GMDS: variants seen among roughly 807,000 people sequenced by gnomAD.
GMDS encodes GDP-mannose 4,6 dehydratase.
In GMDS, 20 loss-of-function variants were observed where a neutral mutation model predicts 49.9. The observed-to-expected ratio is 0.40, with a 90% CI of 0.28 to 0.58. The LOEUF (loss-of-function observed/expected upper bound fraction) is 0.58. Among genes scored for constraint, GMDS ranks in the 20% least tolerant of loss-of-function variants. The pLI is 0.42. For synonymous variants in GMDS, 177 were observed against 178.6 expected, an observed-to-expected ratio of 0.99 and a Z score of 0.07; for missense variants, 362 against 481.4, an observed-to-expected ratio of 0.75 and a Z score of 2.32.
At chr6:1,863,856 A>G (rs1297627339) in intron 7 of GMDS, among the ~76,000 whole-genome samples, 1 of 152,172 alleles carries the variant, frequency 6.6e-6, no homozygotes, top group Non-Finnish European at 1.5e-5. Context: ...AAATTACCAA[A>G]CTTTAAAGTT....
At chr6:2,211,515 CTA>C (rs1484499119) in intron 1 of GMDS, among the ~76,000 whole-genome samples, 3 of 151,900 alleles carry the variant, frequency 2.0e-5, no homozygotes, top group Non-Finnish European at 2.9e-5. Flanking sequence ...AACATCTGCC[CTA>C]TATGTTTTTT....
intron 1 of GMDS, among the ~76,000 whole-genome samples, chr6:2,136,148 A>C (rs1775988237): frequency 6.6e-6 from 1 of 152,214 alleles, no homozygotes; most frequent in South Asian, 2.1e-4. Flanking sequence ...TGGGACTACC[A>C]TTGTGTATGG....
In GMDS at chr6:1,833,064, G is replaced by A. The variant is rs1244576853; in HGVS notation, c.772-90478C>T. 3.9e-5 allele frequency among the ~76,000 whole-genome samples: 6 copies of A among 151,986 alleles called. No individual in the cohort carries two copies. In the South Asian group the frequency reaches 6.3e-4, roughly 16 times the overall value. On this transcript the variant is annotated intron_variant, in intron 7 of 10. Transcript: ENST00000380815. The surrounding 1 kb of genome is among the most constrained non-coding windows in gnomAD (Gnocchi z 4.4). ...GCCTCTGATCACTCACACAAAGGAC[G>A]GAAAATTGCTGGCGCCGCTGGACCT...
chr6:1,854,561 G>A (rs977117521), intron 7 of GMDS, among the ~76,000 whole-genome samples: 100 of 152,292 alleles, frequency 6.6e-4, no homozygotes, highest in African/African-American at 2.4e-3. Context: ...GGCTGTCTGG[G>A]TGCTTCTAGC....
At chr6:1,826,211 A>C (rs978047506) in intron 7 of GMDS, among the ~76,000 whole-genome samples, 3 of 152,168 alleles carry the variant, frequency 2.0e-5, no homozygotes, top group African/African-American at 7.2e-5. Flanking sequence ...AAAATAAGGT[A>C]ATTGTGCTAT....
At chr6:1,724,040 T>C (rs149245148) in intron 9 of GMDS, among the ~76,000 whole-genome samples, 326 of 152,272 alleles carry the variant, frequency 2.1e-3, no homozygotes, top group African/African-American at 7.5e-3. Context: ...GGAAAACTTG[T>C]TGTTCTGAGG....
At chr6:1,665,989 C>G (rs1764223600) in intron 9 of GMDS, among the ~76,000 whole-genome samples, 2 of 152,152 alleles carry the variant, frequency 1.3e-5, no homozygotes, top group Non-Finnish European at 2.9e-5. Context: ...ATTTCAGCGA[C>G]TTGGAGGAGT....
chr6:2,076,332 G>A (rs1772335781), intron 4 of GMDS, among the ~76,000 whole-genome samples: 1 of 152,040 alleles, frequency 6.6e-6, no homozygotes. Context: ...TGGCCATACT[G>A]CCCAAGGTAA....
At chr6:2,147,851 A>G (rs767248868) in intron 1 of GMDS, among the ~76,000 whole-genome samples, 5 of 149,422 alleles carry the variant, frequency 3.3e-5, no homozygotes, top group African/African-American at 7.5e-5. Context: ...TGAGCATACT[A>G]GATAATTCCA....
chr6:1,849,752 T>C (rs1190107274), intron 7 of GMDS, among the ~76,000 whole-genome samples: 6 of 152,226 alleles, frequency 3.9e-5, no homozygotes, highest in African/African-American at 1.2e-4. Flanking sequence ...TACCCTATTA[T>C]GTCTAGAGAC....
chr6:1,651,953 C>T (rs890993361), intron 9 of GMDS, among the ~76,000 whole-genome samples: 1 of 151,482 alleles, frequency 6.6e-6, no homozygotes, highest in African/African-American at 2.4e-5. Flanking sequence ...TGCACTGGCA[C>T]GTGCTGGGGA....
intron 1 of GMDS, among the ~76,000 whole-genome samples, chr6:2,127,339 A>G (rs1205153314): frequency 6.6e-6 from 1 of 152,122 alleles, no homozygotes; most frequent in East Asian, 1.9e-4. Flanking sequence ...GCAACACTAT[A>G]CTTCTAATCA....
chr6:1,983,798 G>A (rs151033042), intron 4 of GMDS, among the ~76,000 whole-genome samples: 348 of 152,170 alleles, frequency 2.3e-3, no homozygotes, highest in African/African-American at 8.2e-3. Context: ...CAACCATTGT[G>A]GAAGACAGTG....
intron 1 of GMDS, among the ~76,000 whole-genome samples, chr6:2,133,575 A>T (rs2127520516): frequency 6.6e-6 from 1 of 152,340 alleles, no homozygotes; most frequent in African/African-American, 2.4e-5. Context: ...TCATGATAGA[A>T]ATGTCACTTG....
intron 7 of GMDS, among the ~76,000 whole-genome samples, chr6:1,870,327 A>G (rs1225576404): frequency 6.6e-6 from 1 of 152,178 alleles, no homozygotes; most frequent in Non-Finnish European, 1.5e-5. Context: ...GCTCTTCCAG[A>G]AGAGCTAAGG....
intron 8 of GMDS, among the ~76,000 whole-genome samples, chr6:1,742,042 C>G (rs1248084276): frequency 2.6e-5 from 4 of 151,248 alleles, no homozygotes; most frequent in Non-Finnish European, 4.4e-5. Context: ...TTTCCTCAGC[C>G]TCCTGAGTAG....
At chr6:2,025,635 A>G (rs1768551440) in intron 4 of GMDS, among the ~76,000 whole-genome samples, 1 of 152,218 alleles carries the variant, frequency 6.6e-6, no homozygotes, top group Non-Finnish European at 1.5e-5. Flanking sequence ...ATGAGTAATA[A>G]AAAGAAAGTA....
chr6:1,742,452 T>C lies in GMDS; in HGVS notation c.890+16A>G. 1 of 1,424,322 alleles carries C rather than the reference T, an allele frequency of 7.0e-7. No homozygotes were observed. Among genetic ancestry groups the C allele is most frequent in the Non-Finnish European group, 9.9e-7 (1 of 1,008,324 alleles). 88.2% of individuals were successfully genotyped at this position (1,424,322 alleles called of 1,614,324 possible). ...TGCCAGAGAGCTACAAGTAGTCATTTCTCAGGTATACTTACACAATGGTTT... is the reference window on the plus strand; with the variant it reads ...TGCCAGAGAGCTACAAGTAGTCATTCCTCAGGTATACTTACACAATGGTTT... On this transcript the variant is annotated intron_variant, in intron 8 of 10. Transcript: ENST00000380815.
intron 1 of GMDS, among the ~76,000 whole-genome samples, chr6:2,219,498 G>C (rs1020656567): frequency 2.0e-5 from 3 of 152,130 alleles, no homozygotes; most frequent in Non-Finnish European, 2.9e-5. Flanking sequence ...GTTATTGTCA[G>C]CATCCTCATT....
Sources: allele counts gnomAD v4.1 joint callset (sites outside exome capture counted in the v4.1 genomes callset), GRCh38; gene constraint gnomAD v4.1.1; non-coding constraint Gnocchi (gnomAD v3.1); transcripts MANE v1.5; gene names NCBI Gene and HGNC (gene_info 2026-07-23, HGNC 2026-07-21).